Variants in NUDT17 observed in about 807,000 individuals in gnomAD.
NUDT17 encodes the protein nudix hydrolase 17, also known as m7GpppN-mRNA hydrolase NUDT17.
A neutral mutation model predicts 38.6 loss-of-function variants in NUDT17; 38 were observed. That is an observed-to-expected ratio of 0.98 (90% CI 0.76 to 1.29). The LOEUF (loss-of-function observed/expected upper bound fraction) is 1.29, where lower values mean the gene tolerates loss of function less well. NUDT17 is among the 50% of genes most tolerant of loss of function. The pLI is 0.00. For synonymous variants in NUDT17, 192 were observed against 167.8 expected (o/e 1.14, Z -1.11); for missense variants, 462 against 415.2 (o/e 1.11, Z -0.98).
intron 2 of NUDT17, 48 bp from the exon 3 acceptor site, chr1:145,846,385 C>A: frequency 6.2e-7 from 1 of 1,612,456 alleles, no homozygotes; most frequent in South Asian, 1.1e-5. Context: ...TGGGGGCTCC[C>A]TGGCCAAGAC....
chr1:145,846,710 GAAGCTCCTCCAT>G lies in NUDT17; in HGVS notation c.495+22_495+33del. On this transcript the variant is annotated intron_variant, in intron 4 of 7. Transcript: ENST00000334513. ...TGGGAGGTGAGACAAGTAGCTGGGA[GAAGCTCCTCCAT>G]AGATCAGCCCCTACCTGCCTTGGCT... The G allele has an allele frequency of 6.5e-7, 1 of 1,536,264 alleles. No homozygotes were observed. Among genetic ancestry groups the G allele is most frequent in the Non-Finnish European group, 9.0e-7 (1 of 1,108,924 alleles).
intron 4 of NUDT17, 115 bp from the exon 5 acceptor site, chr1:145,847,135 A>G: frequency 3.2e-6 from 2 of 626,738 alleles, no homozygotes; most frequent in Non-Finnish European, 5.6e-6. Flanking sequence ...CAGAGGTTGC[A>G]GTGAGCCAAG....
At chr1:145,846,303 G>T in intron 2 of NUDT17, 107 bp downstream of exon 2, 1 of 1,461,382 alleles carries the variant, frequency 6.8e-7, no homozygotes, top group Non-Finnish European at 9.5e-7. Context: ...CCAAAATGTG[G>T]CATGTTCATA....
chr1:145,846,805 C>T, intron 4 of NUDT17, 115 bp downstream of exon 4: 1 of 770,090 alleles, frequency 1.3e-6, no homozygotes, highest in South Asian at 1.5e-5. Context: ...AACCCTCACC[C>T]ATGTCCCTGC....
chr1:145,846,788 A>G (rs1220985181), intron 4 of NUDT17, 98 bp downstream of exon 4: 9 of 840,824 alleles, frequency 1.1e-5, no homozygotes, highest in Non-Finnish European at 1.9e-5. Flanking sequence ...GGAATCCCCA[A>G]ATCCATAACC....
At position 145,846,733 on chromosome 1, in the gene NUDT17, C is replaced by T. The variant is rs782710256; in HGVS notation, c.495+43C>T. 100 of 1,350,130 alleles carry T rather than the reference C, an allele frequency of 7.4e-5. No individual in the cohort carries two copies. The Admixed American group carries it at 1.1e-3, about 14-fold the overall frequency. The allele number at this position is 1,350,130 out of a possible 1,614,324, so 83.6% of individuals were successfully genotyped here. A position where few individuals can be genotyped will look rare whatever the true frequency, so the allele number is the denominator to read the frequency against. On this transcript the variant is annotated intron_variant, in intron 4 of 7. Coordinates refer to ENST00000334513, the MANE Select transcript of NUDT17 (RefSeq NM_001012758.3). ...GAGAAGCTCCTCCATAGATCAGCCC[C>T]TACCTGCCTTGGCTACAAGGGAAAC...
rs1385099016 is a variant in NUDT17 at position 145,848,189 on chromosome 1, C to T, written c.809C>T (p.Thr270Ile). 2 of 1,614,086 alleles carry T rather than the reference C, an allele frequency of 1.2e-6. No homozygotes were observed. The highest frequency in any genetic ancestry group is 1.7e-6 in the Non-Finnish European group (2 of 1,180,036). Reference sequence around the variant, plus strand: ...TCCACCCTCCTGCGGATGATCCCAACCATGGCAGAGGACAAAGAGAGAGTC... The same window carrying T: ...TCCACCCTCCTGCGGATGATCCCAATCATGGCAGAGGACAAAGAGAGAGTC... ...HMSTLLRMIP[T>I]MAEDKERVST... Residue 270 changes from threonine to isoleucine, a missense_variant, in exon 7 of 8, where the codon ACC becomes ATC. Coordinates refer to ENST00000334513, the MANE Select transcript of NUDT17 (RefSeq NM_001012758.3).
rs1652795386 is a variant in NUDT17 at position 145,848,099 on chromosome 1, T to C, written c.732-13T>C. ...TACAAGGCACAGCCCCAACAGGAGT[T>C]GTCACCATGCAGTGCAGTGGAACTA... is the stretch of plus-strand genomic sequence containing the variant. On this transcript the variant is annotated splice_polypyrimidine_tract_variant and intron_variant, in intron 6 of 7. Transcript: ENST00000334513. 8 of 1,612,956 alleles carry C rather than the reference T, an allele frequency of 5.0e-6. No homozygotes were observed. The highest frequency in any genetic ancestry group is 6.8e-6 in the Non-Finnish European group (8 of 1,179,932).
At chr1:145,846,761 T>C (rs1184533412) in intron 4 of NUDT17, 71 bp downstream of exon 4, 7 of 1,060,940 alleles carry the variant, frequency 6.6e-6, no homozygotes, top group East Asian at 2.4e-5. Flanking sequence ...AGGGAAACAA[T>C]AGCACATAAG....
At position 145,846,073 on chromosome 1, in the gene NUDT17, C is replaced by T; in HGVS notation, c.253C>T (p.Leu85=). ...GCGGCCCAGGGTCCCTGGGGCTGAGCTGCCCACAGATCGAGGTGTGGACCT... is the reference window on the plus strand; with the variant it reads ...GCGGCCCAGGGTCCCTGGGGCTGAGTTGCCCACAGATCGAGGTGTGGACCT... ...EERPRVPGAE[L]PTDRGVDLGV... The change falls in exon 2 of 8, where the codon CTG becomes TTG. Residue 85 remains leucine, a synonymous_variant. Transcript: ENST00000334513. The T allele has an allele frequency of 3.7e-6, 6 of 1,605,494 alleles. No homozygotes were observed. The highest frequency in any genetic ancestry group is 5.1e-6 in the Non-Finnish European group (6 of 1,176,704).
intron 1 of NUDT17, 60 bp downstream of exon 1, chr1:145,845,892 C>T (rs1553732218): frequency 1.3e-6 from 2 of 1,533,960 alleles, no homozygotes; most frequent in African/African-American, 1.4e-5. Context: ...GGACTGAAAT[C>T]GGGTGGGAAC....
Position 145,848,776 on chromosome 1 carries a change from A to G in NUDT17, c.*297A>G. On this transcript the variant is annotated 3_prime_UTR_variant, in exon 8 of 8. Coordinates refer to ENST00000334513, the MANE Select transcript of NUDT17 (RefSeq NM_001012758.3). ...ATATAAATAGAGAGAGACCCAAGCA[A>G]TAGGCCGGGCCTGACTCCCAGACCC... 1 of 288,554 alleles carries G rather than the reference A, an allele frequency of 3.5e-6. No individual in the cohort carries two copies. Among genetic ancestry groups the G allele is most frequent in the Non-Finnish European group, 6.5e-6 (1 of 154,410 alleles). The allele number at this position is 288,554 out of a possible 1,614,324, so 17.9% of individuals were successfully genotyped here. A position where few individuals can be genotyped will look rare whatever the true frequency, so the allele number is the denominator to read the frequency against.
At chr1:145,847,423 C>T (rs1570766656) in intron 5 of NUDT17, 75 bp downstream of exon 5, 35 of 678,102 alleles carry the variant, frequency 5.2e-5, no homozygotes, top group South Asian at 4.7e-4. Flanking sequence ...TGATTAGGAG[C>T]TGGGCGGGGG....
At chr1:145,847,428 C>T (rs1461002870) in intron 5 of NUDT17, 80 bp downstream of exon 5, 16 of 527,444 alleles carry the variant, frequency 3.0e-5, no homozygotes, top group Middle Eastern at 5.0e-4. Flanking sequence ...AGGAGCTGGG[C>T]GGGGGTGGCG....
At position 145,848,437 on chromosome 1, in the gene NUDT17, G is replaced by T. The variant is rs1553733294; in HGVS notation, c.945G>T (p.Trp315Cys). 6.2e-7 allele frequency: 1 copy of T among 1,614,102 alleles called. No individual in the cohort carries two copies. The highest frequency in any genetic ancestry group is 8.5e-7 in the Non-Finnish European group (1 of 1,180,008). Residue 315 changes from tryptophan to cysteine, a missense_variant, in exon 8 of 8, where the codon TGG becomes TGT. Trp to Cys is a radical substitution (Grantham distance 215, BLOSUM62 -2). Coordinates refer to ENST00000334513, the MANE Select transcript of NUDT17 (RefSeq NM_001012758.3). Reference protein sequence around the residue: ...YLDPGPAKEEWNMDPLPPNQG... With the variant: ...YLDPGPAKEECNMDPLPPNQG... ...ACCCAGGGCCAGCAAAGGAAGAATGGAACATGGACCCTCTTCCCCCAAACC... is the reference window on the plus strand; with the variant it reads ...ACCCAGGGCCAGCAAAGGAAGAATGTAACATGGACCCTCTTCCCCCAAACC...
At position 145,845,795 on chromosome 1, in the gene NUDT17, G is replaced by T; in HGVS notation, c.155G>T (p.Arg52Met). The T allele has an allele frequency of 6.3e-7, 1 of 1,597,718 alleles. No homozygotes were observed. The highest frequency in any genetic ancestry group is 2.3e-5 in the East Asian group (1 of 44,204). Residue 52 changes from arginine to methionine, a missense_variant, in exon 1 of 8, where the codon AGG (arginine) becomes ATG (methionine). Physicochemically the swap from Arg to Met is moderately conservative, Grantham distance 91. Transcript: ENST00000334513. ...CGAGGACGGCTTGTCCTCTCGAGCA[G>T]GCCCTTCCCAGGCGCCTCCGCTAGG... ...LKRGRLVLSS[R>M]PFPGASARLP...
In NUDT17 at chr1:145,846,419, C is replaced by T; in HGVS notation, c.377-14C>T. On this transcript the variant is annotated splice_polypyrimidine_tract_variant and intron_variant, in intron 2 of 7. Coordinates refer to ENST00000334513, the MANE Select transcript of NUDT17 (RefSeq NM_001012758.3). The stretch of plus-strand genomic sequence containing the variant: ...ACCACCACCATTCACCTACTGGCCC[C>T]ACTGTTGTTGCAGGTGGGCACGTGG... 2 of 1,614,080 alleles carry T rather than the reference C, an allele frequency of 1.2e-6. No individual in the cohort carries two copies. The highest frequency in any genetic ancestry group is 1.7e-5 in the Admixed American group (1 of 60,020).
rs1376496097 is a variant in NUDT17, at chr1:145,848,773, G to A, written c.*294G>A. The A allele has an allele frequency of 6.9e-6, 2 of 290,698 alleles. No homozygotes were observed. The highest frequency in any genetic ancestry group is 1.3e-5 in the Non-Finnish European group (2 of 155,982). The allele number at this position is 290,698 out of a possible 1,614,324, so 18.0% of individuals were successfully genotyped here. The stretch of plus-strand genomic sequence containing the variant: ...GATATATAAATAGAGAGAGACCCAA[G>A]CAATAGGCCGGGCCTGACTCCCAGA... On this transcript the variant is annotated 3_prime_UTR_variant, in exon 8 of 8. Transcript: ENST00000334513.
At position 145,846,119 on chromosome 1, in the gene NUDT17, A is replaced by G. The variant is rs1553732371; in HGVS notation, c.299A>G (p.Gln100Arg). 6.2e-7 allele frequency: 1 copy of G among 1,601,608 alleles called. No homozygotes were observed. Among genetic ancestry groups the G allele is most frequent in the East Asian group, 2.3e-5 (1 of 44,392 alleles). The change falls in exon 2 of 8, where the codon CAG becomes CGG. Residue 100 changes from glutamine to arginine, a missense_variant. By Grantham distance (43) the Gln-to-Arg change is conservative. Coordinates refer to ENST00000334513, the MANE Select transcript of NUDT17 (RefSeq NM_001012758.3). ...GVDLGVAVIL[Q>R]SSDKTVLLTR... ...GACCTGGGTGTGGCCGTCATTCTGC[A>G]GTCCAGCGACAAGACTGTCTTGCTA...
Sources: allele counts gnomAD v4.1 joint callset, GRCh38; gene constraint gnomAD v4.1.1; transcripts MANE v1.5; gene names NCBI Gene and HGNC (gene_info 2026-07-23, HGNC 2026-07-21).